The following IMMP2L variants were observed in gnomAD, a reference collection of about 807,000 sequenced individuals.
IMMP2L encodes the protein inner mitochondrial membrane peptidase subunit 2.
A neutral mutation model predicts 19.3 loss-of-function variants in IMMP2L; 18 were observed. That is an observed-to-expected ratio of 0.93 (90% CI 0.64 to 1.38). The LOEUF is 1.38. Ranked by LOEUF, IMMP2L falls within the 40% of genes most tolerant of loss-of-function variation. IMMP2L has a pLI of 0.00. For missense variants in IMMP2L, 233 were observed against 218.2 expected, an observed-to-expected ratio of 1.07 and a Z score of -0.43; for synonymous variants, 76 against 73.0, an observed-to-expected ratio of 1.04 and a Z score of -0.21.
intron 3 of IMMP2L, among the ~76,000 whole-genome samples, chr7:110,982,260 C>T (rs1252805007): frequency 6.6e-6 from 1 of 152,052 alleles, no homozygotes; most frequent in African/African-American, 2.4e-5. Flanking sequence ...CGTCATTCAG[C>T]CAAAGATATA....
rs1242560486 is a variant in IMMP2L at position 110,727,333 on chromosome 7, G to C, written c.409-63612C>G. Among the ~76,000 whole-genome samples, 1 of 152,128 alleles carries C rather than the reference G, an allele frequency of 6.6e-6. No homozygotes were observed. The highest frequency in any genetic ancestry group is 6.6e-5 in the Admixed American group (1 of 15,266). ...TTGAACCCAGGAGGTGGAAGTTGCA[G>C]TGAGCCGAGACTCTGCCACAGCACT... On this transcript the variant is annotated intron_variant, in intron 5 of 5. Transcript: ENST00000405709. This position sits in a 1 kb window ranked among gnomAD's most constrained non-coding sequence, Gnocchi z 4.3.
intron 5 of IMMP2L, among the ~76,000 whole-genome samples, chr7:110,858,692 T>C (rs1409824377): frequency 1.3e-5 from 2 of 152,062 alleles, no homozygotes; most frequent in African/African-American, 2.4e-5. Context: ...CATGCTGGTG[T>C]GCTGCACCCA....
intron 5 of IMMP2L, among the ~76,000 whole-genome samples, chr7:110,676,735 A>G (rs1206913514): frequency 2.0e-5 from 3 of 152,200 alleles, no homozygotes; most frequent in African/African-American, 4.8e-5. Context: ...ACAGCAATCT[A>G]TCCCTACAAA....
chr7:110,853,917 G>T (rs886076944), intron 5 of IMMP2L, among the ~76,000 whole-genome samples: 4 of 151,922 alleles, frequency 2.6e-5, no homozygotes, highest in African/African-American at 9.7e-5. Context: ...AGAAATGACA[G>T]TTTATATAGG....
chr7:111,089,094 T>A (rs1796593366), intron 3 of IMMP2L, among the ~76,000 whole-genome samples: 1 of 152,186 alleles, frequency 6.6e-6, no homozygotes, highest in African/African-American at 2.4e-5. Flanking sequence ...AAAAGAGTGA[T>A]CATTTAGTTA....
chr7:111,474,441 T>C (rs1014250147), intron 3 of IMMP2L, among the ~76,000 whole-genome samples: 2 of 152,030 alleles, frequency 1.3e-5, no homozygotes, highest in Non-Finnish European at 2.9e-5. Context: ...AAAGTGAATA[T>C]TCAAAGATAA....
chr7:110,753,560 C>T (rs1797858783), intron 5 of IMMP2L, among the ~76,000 whole-genome samples: 1 of 151,946 alleles, frequency 6.6e-6, no homozygotes, highest in African/African-American at 2.4e-5. Flanking sequence ...CATGATACCT[C>T]GATTTTCTAA....
intron 3 of IMMP2L, among the ~76,000 whole-genome samples, chr7:111,233,866 A>G (rs912789306): frequency 6.6e-6 from 1 of 152,108 alleles, no homozygotes; most frequent in African/African-American, 2.4e-5. Context: ...AAAAATTTAA[A>G]AATTAAAATT....
chr7:111,250,380 T>G (rs554452869), intron 3 of IMMP2L, among the ~76,000 whole-genome samples: 5 of 152,298 alleles, frequency 3.3e-5, no homozygotes, highest in South Asian at 2.1e-4. Context: ...CCATTGACGT[T>G]TTTCACAGAA....
intron 5 of IMMP2L, among the ~76,000 whole-genome samples, chr7:110,684,163 G>A (rs1792938396): frequency 6.6e-6 from 1 of 152,088 alleles, no homozygotes; most frequent in South Asian, 2.1e-4. Context: ...AACTGGTAGA[G>A]CTACCATAAA....
chr7:111,182,259 T>C (rs1807793657), intron 3 of IMMP2L, among the ~76,000 whole-genome samples: 2 of 152,006 alleles, frequency 1.3e-5, no homozygotes, highest in Admixed American at 6.6e-5. Flanking sequence ...CTTACCCGGC[T>C]AATAATAATG....
At chr7:111,175,992 T>A (rs1448516126) in intron 3 of IMMP2L, among the ~76,000 whole-genome samples, 2 of 151,848 alleles carry the variant, frequency 1.3e-5, no homozygotes, top group Non-Finnish European at 2.9e-5. Context: ...AAAGAAGACA[T>A]ACAAATGGCA....
chr7:111,529,091 A>G (rs1847153262), intron 1 of IMMP2L, among the ~76,000 whole-genome samples: 2 of 152,176 alleles, frequency 1.3e-5, no homozygotes, highest in Admixed American at 6.5e-5. Context: ...ACTTTGTGCT[A>G]GACACTATGT....
In IMMP2L at chr7:111,056,018, A is replaced by G. The variant is rs201448384; in HGVS notation, c.240-92453T>C. ...TTTTAATATTCTGTATATTTTATCA[A>G]TTAAAGCCTAATATCAAAAAGCTAT... is the stretch of plus-strand genomic sequence containing the variant. On this transcript the variant is annotated intron_variant, in intron 3 of 5. Coordinates refer to ENST00000405709, the MANE Select transcript of IMMP2L (RefSeq NM_032549.4). Among the ~76,000 whole-genome samples, 66 of 12,848 alleles carry G rather than the reference A, an allele frequency of 5.1e-3. No homozygotes were observed. The Admixed American group carries it at 0.11, about 22-fold the overall frequency. 8.4% of individuals were successfully genotyped at this position (12,848 alleles called of 152,430 possible). A position where few individuals can be genotyped will look rare whatever the true frequency, so the allele number is the denominator to read the frequency against.
At chr7:111,150,048 T>C (rs1803903306) in intron 3 of IMMP2L, among the ~76,000 whole-genome samples, 1 of 152,170 alleles carries the variant, frequency 6.6e-6, no homozygotes, top group Non-Finnish European at 1.5e-5. Flanking sequence ...ACTACTTCGT[T>C]TTATTTGACT....
intron 3 of IMMP2L, among the ~76,000 whole-genome samples, chr7:111,321,186 G>C (rs17158478): frequency 2.0e-5 from 3 of 152,034 alleles, no homozygotes; most frequent in South Asian, 2.1e-4. Flanking sequence ...ATGGCCTTTT[G>C]ATTTGACTTA....
intron 5 of IMMP2L, among the ~76,000 whole-genome samples, chr7:110,798,857 C>T (rs578020071): frequency 1.4e-3 from 211 of 151,904 alleles, no homozygotes; most frequent in Admixed American, 4.1e-3. Context: ...TAGAAACATA[C>T]ATATAAAAAT....
At chr7:111,211,002 C>T (rs1811247784) in intron 3 of IMMP2L, among the ~76,000 whole-genome samples, 4 of 151,998 alleles carry the variant, frequency 2.6e-5, no homozygotes, top group Admixed American at 2.6e-4. Context: ...TCTTCTTCTT[C>T]CTAAAAAATA....
chr7:111,504,989 AAGAG>A (rs1844727124), intron 2 of IMMP2L, among the ~76,000 whole-genome samples: 1 of 152,124 alleles, frequency 6.6e-6, no homozygotes. Flanking sequence ...AATTAAACTA[AAGAG>A]CTTCTGCACA....
Sources: gnomAD v4.1 joint callset for allele counts (sites outside exome capture counted in the v4.1 genomes callset) on GRCh38, gnomAD v4.1.1 for gene constraint, Gnocchi (gnomAD v3.1) non-coding constraint, MANE v1.5 for transcripts, NCBI Gene and HGNC (gene_info 2026-07-23, HGNC 2026-07-21) for gene names.